The following PPP1R37 variants were observed in gnomAD, a reference collection of about 807,000 sequenced individuals.
The protein encoded by PPP1R37 is leucine rich repeat containing 68.
PPP1R37 carries 21 observed loss-of-function variants against 61.0 expected under a neutral mutation model. The ratio of observed to expected loss-of-function variants is 0.34; its 90% CI spans 0.24 to 0.50. PPP1R37 has a LOEUF of 0.50. PPP1R37 is among the 20% of genes least tolerant of loss of function. The pLI is 0.98. For missense variants in PPP1R37, 910 were observed against 952.7 expected (o/e 0.96, Z 0.59); for synonymous variants, 443 against 433.5 (o/e 1.02, Z -0.27).
At chr19:45,115,595 A>G (rs1968256176) in intron 1 of PPP1R37, among the ~76,000 whole-genome samples, 1 of 152,196 alleles carries the variant, frequency 6.6e-6, no homozygotes. Context: ...TGGGGATAAT[A>G]AACCCTACCT....
intron 7 of PPP1R37, chr19:45,143,041 A>C (rs1242888616): frequency 1.2e-5 from 2 of 167,476 alleles, no homozygotes; most frequent in Non-Finnish European, 2.6e-5. Flanking sequence ...CTGTGTCCCC[A>C]GGTGGCAGGC....
intron 1 of PPP1R37, among the ~76,000 whole-genome samples, chr19:45,127,992 A>AT (rs1294859769): frequency 5.4e-4 from 82 of 151,558 alleles, no homozygotes; most frequent in Non-Finnish European, 4.9e-4. Context: ...AAAAAAAAAA[A>AT]AGATAAATGT....
intron 10 of PPP1R37, 33 bp downstream of exon 10, chr19:45,145,293 G>A (rs1435898543): frequency 4.5e-5 from 68 of 1,522,042 alleles, no homozygotes; most frequent in Non-Finnish European, 5.7e-5. Flanking sequence ...GCCCTGGGGC[G>A]GGCGGAAGGC....
At position 45,141,245 on chromosome 19, in the gene PPP1R37, G is replaced by T. The variant is rs1599711442; in HGVS notation, c.448-77G>T. 3 of 1,440,312 alleles carry T rather than the reference G, an allele frequency of 2.1e-6. No homozygotes were observed. In the East Asian group the frequency reaches 7.6e-5, roughly 37 times the overall value. The allele number at this position is 1,440,312 out of a possible 1,614,324, so 89.2% of individuals were successfully genotyped here. On this transcript the variant is annotated intron_variant, in intron 4 of 12. Coordinates refer to ENST00000221462, the MANE Select transcript of PPP1R37 (RefSeq NM_019121.2). ...CCCTGGACCCATCGTCTCTCGGTGG[G>T]GCCCGGTGTCAGGGCCCACGCCTCT...
At chr19:45,107,588 T>C (rs74877307) in intron 1 of PPP1R37, among the ~76,000 whole-genome samples, 25,228 of 152,140 alleles carry the variant, frequency 0.17, 2,335 homozygotes, top group African/African-American at 0.22. Flanking sequence ...TAGGTGAGAC[T>C]CTGTCTCAAA....
Position 45,145,613 on chromosome 19 carries a change from G to A in PPP1R37, c.1557G>A (p.Glu519=). 1.3e-6 allele frequency: 2 copies of A among 1,536,178 alleles called. No homozygotes were observed. Among genetic ancestry groups the A allele is most frequent in the Non-Finnish European group, 1.7e-6 (2 of 1,146,902 alleles). Residue 519 remains glutamate (E), a synonymous_variant, in exon 11 of 13, where the codon GAG becomes GAA. Coordinates refer to ENST00000221462, the MANE Select transcript of PPP1R37 (RefSeq NM_019121.2). The stretch of plus-strand genomic sequence containing the variant: ...CGGATGGGGAGGAAGAGGAGGAAGA[G>A]GAAGGGGAGAGGGACGAGACCCCCT... The part of the protein sequence containing the change: ...SDSDGEEEEE[E]EGERDETPCP...
intron 1 of PPP1R37, among the ~76,000 whole-genome samples, chr19:45,113,370 G>A (rs758311101): frequency 6.6e-6 from 1 of 152,252 alleles, no homozygotes; most frequent in South Asian, 2.1e-4. Context: ...CACGCATGGC[G>A]TTGAGCCCTC....
chr19:45,113,849 C>T (rs898757718), intron 1 of PPP1R37, among the ~76,000 whole-genome samples: 1 of 152,208 alleles, frequency 6.6e-6, no homozygotes, highest in African/African-American at 2.4e-5. Flanking sequence ...AAATATTTGT[C>T]TCAGGGCAGA....
chr19:45,139,784 G>T (rs1342989349), intron 2 of PPP1R37, among the ~76,000 whole-genome samples: 1 of 152,262 alleles, frequency 6.6e-6, no homozygotes, highest in Non-Finnish European at 1.5e-5. Context: ...TCAGAGCGCG[G>T]GTGCTGGCAT....
intron 1 of PPP1R37, among the ~76,000 whole-genome samples, chr19:45,110,939 G>A (rs1968191972): frequency 1.3e-5 from 2 of 152,202 alleles, no homozygotes; most frequent in African/African-American, 4.8e-5. Context: ...GGTTCTGGCA[G>A]GACTGAATGT....
In PPP1R37 at chr19:45,141,327, C is replaced by T; in HGVS notation, c.453C>T (p.Ala151=). The change falls in exon 5 of 13, where the codon GCC becomes GCT. Residue 151 remains alanine (A), a synonymous_variant. Coordinates refer to ENST00000221462, the MANE Select transcript of PPP1R37 (RefSeq NM_019121.2). ...LEQTNLDEDG[A]SALFDMIEYY... is the part of the protein sequence containing the mutation. ...CCCCGAATCTCTATGCGCAGGGTGC[C>T]TCGGCCCTCTTCGACATGATCGAGT... is the stretch of plus-strand genomic sequence containing the variant. The T allele has an allele frequency of 6.5e-7, 1 of 1,535,554 alleles. No individual in the cohort carries two copies.
At position 45,143,629 on chromosome 19, in the gene PPP1R37, C is replaced by T. The variant is rs1369595941; in HGVS notation, c.983C>T (p.Thr328Ile). The T allele has an allele frequency of 6.5e-7, 1 of 1,527,496 alleles. No individual in the cohort carries two copies. The highest frequency in any genetic ancestry group is 8.8e-7 in the Non-Finnish European group (1 of 1,139,178). The allele number at this position is 1,527,496 out of a possible 1,614,324, so 94.6% of individuals were successfully genotyped here. The change falls in exon 8 of 13, where the codon ACA becomes ATA. Residue 328 changes from threonine (T) to isoleucine (I), a missense_variant. This residue lies in a region of PPP1R37 where 549 missense variants were observed against 505.1 expected (regional missense o/e 1.09). Transcript: ENST00000221462. ...THTGMAFLGMTLPHTQSLETL... is the reference protein window; with the variant it reads ...THTGMAFLGMILPHTQSLETL... The stretch of plus-strand genomic sequence containing the variant: ...ACAGGCATGGCCTTCCTGGGCATGA[C>T]ACTGGTGAGTCAGGCTGGCAGGGAA...
chr19:45,113,238 A>G (rs1370617389), intron 1 of PPP1R37, among the ~76,000 whole-genome samples: 2 of 152,220 alleles, frequency 1.3e-5, no homozygotes, highest in Non-Finnish European at 2.9e-5. Flanking sequence ...GAAAAAAAGT[A>G]GAAAAGGCCA....
At chr19:45,096,990 G>A (rs1407750755) in intron 1 of PPP1R37, among the ~76,000 whole-genome samples, 1 of 152,086 alleles carries the variant, frequency 6.6e-6, no homozygotes, top group East Asian at 1.9e-4. Flanking sequence ...AAGGGCCTGG[G>A]AACAGCAAGG....
At chr19:45,099,856 A>G (rs1260848425) in intron 1 of PPP1R37, among the ~76,000 whole-genome samples, 5 of 151,864 alleles carry the variant, frequency 3.3e-5, no homozygotes, top group African/African-American at 1.2e-4. Context: ...CAGGACGAGG[A>G]CTCTTTCTCA....
intron 1 of PPP1R37, among the ~76,000 whole-genome samples, chr19:45,105,919 G>A (rs559071095): frequency 1.1e-3 from 160 of 152,362 alleles, no homozygotes; most frequent in Non-Finnish European, 1.5e-3. Flanking sequence ...TGCTGGCAGA[G>A]CCCAGGGACA....
In PPP1R37 at chr19:45,093,386, GC is replaced by G; in HGVS notation, c.65del (p.Pro22GlnfsTer50). 1 of 1,531,708 alleles carries G rather than the reference GC, an allele frequency of 6.5e-7. No individual in the cohort carries two copies. Among genetic ancestry groups the G allele is most frequent in the Non-Finnish European group, 8.7e-7 (1 of 1,144,450 alleles). The allele number at this position is 1,531,708 out of a possible 1,614,324, so 94.9% of individuals were successfully genotyped here. On this transcript the variant is annotated frameshift_variant, in exon 1 of 13. Coordinates refer to ENST00000221462, the MANE Select transcript of PPP1R37 (RefSeq NM_019121.2). LOFTEE classifies it high-confidence loss of function. ...GGGCGCGGACGGCGACATTGAAGAG[GC>G]CCCAGCTGAGGCCGGGTCTCCCAGC... is the stretch of plus-strand genomic sequence containing the variant. ...VPGADGDIEE[A>X]PAEAGSPSPA...
At chr19:45,127,529 A>G (rs1405835981) in intron 1 of PPP1R37, among the ~76,000 whole-genome samples, 1 of 152,188 alleles carries the variant, frequency 6.6e-6, no homozygotes, top group African/African-American at 2.4e-5. Context: ...GACAAGGGAC[A>G]GTAAAAATAT....
intron 1 of PPP1R37, among the ~76,000 whole-genome samples, chr19:45,103,556 C>T (rs543525858): frequency 1.3e-5 from 2 of 152,246 alleles, no homozygotes; most frequent in East Asian, 1.9e-4. Context: ...CTGCTCGCGT[C>T]CTGTGCAGTC....
Sources: allele counts gnomAD v4.1 joint callset (sites outside exome capture counted in the v4.1 genomes callset), GRCh38; gene constraint gnomAD v4.1.1; regional missense constraint gnomAD v4.1.1; transcripts MANE v1.5; gene names NCBI Gene and HGNC (gene_info 2026-07-23, HGNC 2026-07-21).